The following WDR72 variants were observed in gnomAD, a reference collection of about 807,000 sequenced individuals.
The protein encoded by WDR72 is WD repeat-containing protein 72.
In WDR72, 120 loss-of-function variants were observed where a neutral mutation model predicts 124.2. The ratio of observed to expected loss-of-function variants is 0.97; its 90% CI spans 0.83 to 1.12. The LOEUF (loss-of-function observed/expected upper bound fraction) is 1.12. WDR72 is among the 50% of genes most tolerant of loss of function. The pLI, the probability that WDR72 is intolerant of heterozygous loss-of-function variation, is 0.00. For missense variants in WDR72, 1,387 were observed against 1,278.8 expected, an observed-to-expected ratio of 1.08 and a Z score of -1.29; for synonymous variants, 452 against 441.7, an observed-to-expected ratio of 1.02 and a Z score of -0.29.
At position 53,712,956 on chromosome 15, in the gene WDR72, C is replaced by T. The variant is rs748265488; in HGVS notation, c.592-65G>A. On this transcript the variant is annotated intron_variant, in intron 6 of 19. Transcript: ENST00000360509. ...TAATTCATACACAGCCATGAGAAGA[C>T]CTGCTTCCCGTACATCTCAAGTAGA... 142 of 1,574,434 alleles carry T rather than the reference C, an allele frequency of 9.0e-5. No homozygotes were observed. The Middle Eastern group carries it at 1.2e-3, about 13-fold the overall frequency.
At chr15:53,743,050 A>T (rs1266867559) in intron 1 of WDR72, among the ~76,000 whole-genome samples, 1 of 152,182 alleles carries the variant, frequency 6.6e-6, no homozygotes, top group Non-Finnish European at 1.5e-5. Context: ...GAAAGGATGA[A>T]TGGGCTTCAG....
chr15:53,553,872 A>C (rs766479435), intron 18 of WDR72, among the ~76,000 whole-genome samples: 1 of 152,194 alleles, frequency 6.6e-6, no homozygotes, highest in African/African-American at 2.4e-5. Context: ...TTTCCAACTA[A>C]AATGAAAACA....
chr15:53,682,319 G>A (rs529791679), intron 13 of WDR72, among the ~76,000 whole-genome samples: 1 of 152,246 alleles, frequency 6.6e-6, no homozygotes, highest in Admixed American at 6.5e-5. Context: ...CTGTGGGGTG[G>A]GAGGATGCAC....
chr15:53,697,489 A>G (rs1407552125), intron 13 of WDR72, among the ~76,000 whole-genome samples: 2 of 151,994 alleles, frequency 1.3e-5, no homozygotes, highest in Non-Finnish European at 2.9e-5. Flanking sequence ...CTGAGCTTCA[A>G]CTCTCACTGG....
chr15:53,677,266 T>C, intron 13 of WDR72, among the ~76,000 whole-genome samples: 1 of 152,254 alleles, frequency 6.6e-6, no homozygotes, highest in East Asian at 1.9e-4. Flanking sequence ...CATAAACACA[T>C]AAAAATAAGT....
At chr15:53,550,620 G>T (rs1471627201) in intron 18 of WDR72, among the ~76,000 whole-genome samples, 1 of 152,220 alleles carries the variant, frequency 6.6e-6, no homozygotes, top group East Asian at 1.9e-4. Flanking sequence ...CAGAGAAAAA[G>T]ATGTGTGTTT....
chr15:53,761,903 C>T (rs537149343), upstream of WDR72, among the ~76,000 whole-genome samples: 1 of 152,230 alleles, frequency 6.6e-6, no homozygotes, highest in Middle Eastern at 3.4e-3. Flanking sequence ...TTAAAAGTAT[C>T]AAGAGTGGGT....
At chr15:53,691,094 G>A (rs1479820892) in intron 13 of WDR72, among the ~76,000 whole-genome samples, 1 of 152,098 alleles carries the variant, frequency 6.6e-6, no homozygotes, top group Non-Finnish European at 1.5e-5. Flanking sequence ...CTGTCACCCA[G>A]GCTGGAGCAC....
intron 18 of WDR72, among the ~76,000 whole-genome samples, chr15:53,562,112 C>T (rs1894144260): frequency 1.3e-5 from 2 of 151,784 alleles, no homozygotes; most frequent in South Asian, 4.1e-4. Flanking sequence ...TGTCAGTCTT[C>T]CTATTTTACA....
At chr15:53,593,514 A>G (rs1426827854) in intron 18 of WDR72, among the ~76,000 whole-genome samples, 3 of 151,998 alleles carry the variant, frequency 2.0e-5, no homozygotes, top group Non-Finnish European at 4.4e-5. Context: ...GGCATTTAAG[A>G]TAGCTGGTTT....
intron 18 of WDR72, among the ~76,000 whole-genome samples, chr15:53,571,187 C>T (rs1488903373): frequency 6.6e-6 from 1 of 151,848 alleles, no homozygotes; most frequent in African/African-American, 2.4e-5. Context: ...CTATTGGGTA[C>T]TATGTTTATT....
At chr15:53,556,102 T>C (rs1233224122) in intron 18 of WDR72, among the ~76,000 whole-genome samples, 2 of 152,098 alleles carry the variant, frequency 1.3e-5, no homozygotes, top group Admixed American at 6.6e-5. Context: ...AGAAAACAAA[T>C]AATAATGCTC....
chr15:53,633,046 T>G (rs1020988889), intron 14 of WDR72, among the ~76,000 whole-genome samples: 1 of 152,152 alleles, frequency 6.6e-6, no homozygotes, highest in African/African-American at 2.4e-5. Context: ...TATTTTACAA[T>G]GTGAGAAGGA....
intron 18 of WDR72, among the ~76,000 whole-genome samples, chr15:53,534,680 T>C (rs955093181): frequency 6.6e-6 from 1 of 152,174 alleles, no homozygotes; most frequent in Non-Finnish European, 1.5e-5. Context: ...ATCTTATATA[T>C]AAAATGTGTC....
chr15:53,677,842 A>T (rs1214263410), intron 13 of WDR72, among the ~76,000 whole-genome samples: 1 of 152,158 alleles, frequency 6.6e-6, no homozygotes, highest in African/African-American at 2.4e-5. Context: ...TCATCATCAA[A>T]ATTGCCATTA....
At chr15:53,605,413 G>T (rs922469821) in intron 17 of WDR72, among the ~76,000 whole-genome samples, 35 of 152,168 alleles carry the variant, frequency 2.3e-4, no homozygotes, top group Non-Finnish European at 3.7e-4. Flanking sequence ...CCTGAGTGAT[G>T]AAATAATCTG....
chr15:53,651,995 G>C (rs1323832372), intron 14 of WDR72: 1 of 152,044 alleles, frequency 6.6e-6, no homozygotes, highest in Non-Finnish European at 1.5e-5. Context: ...TCGGCCTTCT[G>C]GCTAAGATCA....
chr15:53,656,007 T>C (rs1461941977), intron 14 of WDR72, among the ~76,000 whole-genome samples: 1 of 152,180 alleles, frequency 6.6e-6, no homozygotes. Flanking sequence ...GCTTTCTTAA[T>C]GGCTTTCTAA....
intron 11 of WDR72, among the ~76,000 whole-genome samples, chr15:53,704,734 G>A (rs1324189251): frequency 1.1e-4 from 14 of 129,422 alleles, no homozygotes; most frequent in East Asian, 4.3e-4. Flanking sequence ...GGGTTTCACC[G>A]TGTTAGCCAG....
Sources: gnomAD v4.1 joint callset for allele counts (sites outside exome capture counted in the v4.1 genomes callset) on GRCh38, gnomAD v4.1.1 for gene constraint, MANE v1.5 for transcripts, NCBI Gene and HGNC (gene_info 2026-07-23, HGNC 2026-07-21) for gene names.